Variants in NKAIN2 observed in about 807,000 individuals in gnomAD.
NKAIN2 encodes sodium/potassium transporting ATPase interacting 2, also known as sodium/potassium-transporting ATPase subunit beta-1-interacting protein 2.
In NKAIN2, 14 loss-of-function variants were observed where a neutral mutation model predicts 32.6. The ratio of observed to expected loss-of-function variants is 0.43; its 90% CI spans 0.28 to 0.67. The LOEUF (loss-of-function observed/expected upper bound fraction) is 0.67, where lower values mean the gene tolerates loss of function less well. Among genes scored for constraint, NKAIN2 ranks in the 30% least tolerant of loss-of-function variants. NKAIN2 has a pLI of 0.17. For synonymous variants in NKAIN2, 80 were observed against 87.2 expected, an observed-to-expected ratio of 0.92 and a Z score of 0.46; for missense variants, 198 against 258.3, an observed-to-expected ratio of 0.77 and a Z score of 1.60.
intron 1 of NKAIN2, among the ~76,000 whole-genome samples, chr6:123,938,536 T>A (rs1776661543): frequency 1.4e-5 from 2 of 138,546 alleles, no homozygotes; most frequent in African/African-American, 2.6e-5. Context: ...TATTATATTT[T>A]TTATATATTA....
At chr6:123,988,591 C>T (rs1779264604) in intron 1 of NKAIN2, among the ~76,000 whole-genome samples, 1 of 152,180 alleles carries the variant, frequency 6.6e-6, no homozygotes, top group Non-Finnish European at 1.5e-5. Context: ...TGACTGCTAT[C>T]TTAATAATTC....
intron 1 of NKAIN2, among the ~76,000 whole-genome samples, chr6:123,926,721 C>G (rs1357298419): frequency 6.6e-6 from 1 of 152,170 alleles, no homozygotes; most frequent in East Asian, 1.9e-4. Flanking sequence ...AATGAGTAGT[C>G]TGCTAAGAGC....
At chr6:124,407,405 C>T (rs902962597) in intron 3 of NKAIN2, among the ~76,000 whole-genome samples, 1 of 148,668 alleles carries the variant, frequency 6.7e-6, no homozygotes, top group Non-Finnish European at 1.5e-5. Flanking sequence ...TCCTTGTGTT[C>T]TCATTGTTCA....
At chr6:124,658,620 A>G (rs1784631409) in intron 4 of NKAIN2, 3 of 1,031,066 alleles carry the variant, frequency 2.9e-6, no homozygotes, top group South Asian at 3.6e-5. Flanking sequence ...AGCATTTTAC[A>G]TAGGAAATCC....
intron 3 of NKAIN2, among the ~76,000 whole-genome samples, chr6:124,547,296 T>C (rs1780128649): frequency 6.6e-6 from 1 of 152,192 alleles, no homozygotes; most frequent in Admixed American, 6.5e-5. Flanking sequence ...TAGCCTTTGC[T>C]AAAATTCTTG....
chr6:124,658,091 C>T, intron 3 of NKAIN2, 95 bp from the exon 4 acceptor site: 1 of 968,154 alleles, frequency 1.0e-6, no homozygotes, highest in Non-Finnish European at 1.5e-6. Context: ...AACAAACCCA[C>T]ATTTCCAAAT....
At chr6:124,218,923 G>A (rs1582868882) in intron 1 of NKAIN2, among the ~76,000 whole-genome samples, 2 of 152,286 alleles carry the variant, frequency 1.3e-5, no homozygotes, top group South Asian at 2.1e-4. Context: ...CACAGCAGGG[G>A]AGGCCTCAGG....
At chr6:124,817,704 T>C (rs1781228570) in intron 5 of NKAIN2, among the ~76,000 whole-genome samples, 1 of 152,144 alleles carries the variant, frequency 6.6e-6, no homozygotes, top group Non-Finnish European at 1.5e-5. Flanking sequence ...ACATATAAAA[T>C]AGGAGATACT....
chr6:124,126,718 G>A (rs1786183006), intron 1 of NKAIN2, among the ~76,000 whole-genome samples: 1 of 152,146 alleles, frequency 6.6e-6, no homozygotes, highest in Non-Finnish European at 1.5e-5. Context: ...GCCCAGTCTG[G>A]GCAACACAGT....
chr6:124,489,054 C>T (rs1290153428), intron 3 of NKAIN2, among the ~76,000 whole-genome samples: 1 of 151,906 alleles, frequency 6.6e-6, no homozygotes, highest in Non-Finnish European at 1.5e-5. Context: ...GTTAGAGCTA[C>T]AGTGTATTCC....
At chr6:124,248,112 T>C (rs1317838641) in intron 1 of NKAIN2, among the ~76,000 whole-genome samples, 1 of 152,084 alleles carries the variant, frequency 6.6e-6, no homozygotes, top group Non-Finnish European at 1.5e-5. Context: ...AGCTCCAGAA[T>C]ACATTTTAGT....
chr6:124,116,452 T>C (rs1785620127), intron 1 of NKAIN2, among the ~76,000 whole-genome samples: 1 of 152,174 alleles, frequency 6.6e-6, no homozygotes, highest in Non-Finnish European at 1.5e-5. Flanking sequence ...TGTGACATTG[T>C]ATTGTAACTT....
At chr6:124,530,506 T>C (rs1473084560) in intron 3 of NKAIN2, among the ~76,000 whole-genome samples, 1 of 152,038 alleles carries the variant, frequency 6.6e-6, no homozygotes, top group African/African-American at 2.4e-5. Flanking sequence ...TCAATGGAAC[T>C]CTTACTGAAA....
chr6:124,261,239 G>C (rs758675581), intron 1 of NKAIN2, among the ~76,000 whole-genome samples: 1 of 152,140 alleles, frequency 6.6e-6, no homozygotes, highest in African/African-American at 2.4e-5. Flanking sequence ...CTTTTCTTTC[G>C]TTCCTTGTTT....
In NKAIN2 at chr6:124,000,036, T is replaced by G. The variant is rs573006022; in HGVS notation, c.54+195782T>G. 1.0e-3 allele frequency among the ~76,000 whole-genome samples: 157 copies of G among 152,230 alleles called. 2 individuals carry two copies. The highest frequency in any genetic ancestry group is 3.7e-3 in the African/African-American group (153 of 41,568). On this transcript the variant is annotated intron_variant, in intron 1 of 6. Coordinates refer to ENST00000368417, the MANE Select transcript of NKAIN2 (RefSeq NM_001040214.3). ...TTTGAAACCAACCCCCTATAATTCT[T>G]GTAGATTGCTGTACTAAAATGTATT...
chr6:124,558,819 T>G (rs537086539), intron 3 of NKAIN2, among the ~76,000 whole-genome samples: 2 of 152,150 alleles, frequency 1.3e-5, no homozygotes, highest in South Asian at 4.2e-4. Context: ...CATGGTGGTG[T>G]GTGCCTGTAA....
chr6:124,625,959 ATACTTT>A (rs529632348), intron 3 of NKAIN2, among the ~76,000 whole-genome samples: 2,485 of 151,874 alleles, frequency 0.016, 77 homozygotes, highest in African/African-American at 0.056. Context: ...TATTATTATT[ATACTTT>A]AAGTTTTAGG....
intron 4 of NKAIN2, among the ~76,000 whole-genome samples, chr6:124,776,687 A>T (rs1053777990): frequency 1.3e-5 from 2 of 152,152 alleles, no homozygotes; most frequent in African/African-American, 2.4e-5. Context: ...CTCTCTTATT[A>T]TACACCGTAA....
rs1562233415 is a variant in NKAIN2 at position 123,874,917 on chromosome 6, A to ATATG, written c.54+70664_54+70665insATGT. On this transcript the variant is annotated intron_variant, in intron 1 of 6. Coordinates refer to ENST00000368417, the MANE Select transcript of NKAIN2 (RefSeq NM_001040214.3). The stretch of plus-strand genomic sequence containing the variant: ...CATACATACATACATACATATATAT[A>ATATG]TGTGTGTGTGTGTGTACATACACCT... Among the ~76,000 whole-genome samples the ATATG allele has an allele frequency of 7.3e-5, 11 of 151,612 alleles. 1 individual carries two copies. In the South Asian group the frequency reaches 1.2e-3, roughly 17 times the overall value.
Sources: allele counts gnomAD v4.1 joint callset (sites outside exome capture counted in the v4.1 genomes callset), GRCh38; gene constraint gnomAD v4.1.1; transcripts MANE v1.5; gene names NCBI Gene and HGNC (gene_info 2026-07-23, HGNC 2026-07-21).